PLCB1: variants seen among roughly 807,000 people sequenced by gnomAD.
PLCB1 encodes 1-phosphatidylinositol 4,5-bisphosphate phosphodiesterase beta-1.
Under a neutral mutation model 161.8 loss-of-function variants are expected in PLCB1, and 46 were observed. The observed-to-expected ratio is 0.28, with a 90% CI of 0.22 to 0.36. The LOEUF (loss-of-function observed/expected upper bound fraction) is 0.36, where lower values mean the gene tolerates loss of function less well. Ranked by LOEUF, PLCB1 falls within the 10% of genes least tolerant of loss-of-function variation. PLCB1 has a pLI of 1.00. For missense variants in PLCB1, 1,016 were observed against 1,472.5 expected (o/e 0.69, Z 5.07); for synonymous variants, 517 against 503.7 (o/e 1.03, Z -0.35).
intron 3 of PLCB1, among the ~76,000 whole-genome samples, chr20:8,446,026 A>T (rs1236784258): frequency 6.6e-6 from 1 of 152,178 alleles, no homozygotes; most frequent in Non-Finnish European, 1.5e-5. Context: ...CAATCAACAG[A>T]AAAAGAGGGA....
intron 3 of PLCB1, among the ~76,000 whole-genome samples, chr20:8,462,267 A>T (rs1429317176): frequency 6.6e-6 from 1 of 152,150 alleles, no homozygotes; most frequent in Non-Finnish European, 1.5e-5. Context: ...TAAACCTTTA[A>T]GCTCTTTTAC....
At chr20:8,567,436 C>A (rs1986371530) in intron 3 of PLCB1, among the ~76,000 whole-genome samples, 1 of 152,050 alleles carries the variant, frequency 6.6e-6, no homozygotes, top group Non-Finnish European at 1.5e-5. Context: ...CTGTGGACAA[C>A]CCAATGCCTG....
At chr20:8,767,593 T>G (rs4816078) in intron 26 of PLCB1, among the ~76,000 whole-genome samples, 2 of 152,170 alleles carry the variant, frequency 1.3e-5, no homozygotes, top group South Asian at 4.2e-4. Flanking sequence ...AAATGTGAGG[T>G]TGCCGTGTGG....
At chr20:8,456,066 G>C (rs1981303207) in intron 3 of PLCB1, among the ~76,000 whole-genome samples, 1 of 152,166 alleles carries the variant, frequency 6.6e-6, no homozygotes, top group Admixed American at 6.5e-5. Context: ...GAAAATCAAA[G>C]ATTTGGTTTC....
intron 2 of PLCB1, among the ~76,000 whole-genome samples, chr20:8,222,562 G>C (rs1024518105): frequency 1.3e-5 from 2 of 151,870 alleles, no homozygotes; most frequent in African/African-American, 4.8e-5. Context: ...GAATTTCTTT[G>C]TATTTATTCT....
intron 2 of PLCB1, among the ~76,000 whole-genome samples, chr20:8,253,658 G>A (rs1445928645): frequency 1.3e-5 from 2 of 151,942 alleles, no homozygotes; most frequent in South Asian, 2.1e-4. Flanking sequence ...GGGAGTACAT[G>A]TGCAGGTTTG....
intron 3 of PLCB1, among the ~76,000 whole-genome samples, chr20:8,515,536 T>A (rs1018136153): frequency 6.6e-6 from 1 of 152,146 alleles, no homozygotes; most frequent in South Asian, 2.1e-4. Flanking sequence ...ATCTAGAAAT[T>A]TGTATTCCTA....
chr20:8,494,362 C>T lies in PLCB1; in HGVS notation c.246+122912C>T, dbSNP rs956861670. Among the ~76,000 whole-genome samples the T allele has an allele frequency of 5.3e-5, 8 of 151,940 alleles. No homozygotes were observed. In the East Asian group the frequency reaches 7.7e-4, roughly 15 times the overall value. ...TAAGGAATTCTAAGATAATAATTAC[C>T]AGGAAATTAACTCAAATTACATAAT... On this transcript the variant is annotated intron_variant, in intron 3 of 31. Coordinates refer to ENST00000338037, the MANE Select transcript of PLCB1 (RefSeq NM_015192.4).
At chr20:8,832,498 T>G (rs934372777) in intron 31 of PLCB1, among the ~76,000 whole-genome samples, 55 of 152,240 alleles carry the variant, frequency 3.6e-4, no homozygotes, top group Admixed American at 6.5e-5. Flanking sequence ...AACTTGGATC[T>G]CTTCGCATGT....
intron 3 of PLCB1, among the ~76,000 whole-genome samples, chr20:8,465,206 G>A (rs1232027171): frequency 2.0e-5 from 3 of 152,140 alleles, no homozygotes; most frequent in Non-Finnish European, 2.9e-5. Context: ...CTGGGTTCAC[G>A]TCAAGGATGA....
chr20:8,883,853 C>T lies in PLCB1; in HGVS notation c.*2004C>T, dbSNP rs539347676. ...TTTTGTAAATCATTCTACTTTTGCA[C>T]TTTGAAAGAAAGGCGTTAATCATAA... On this transcript the variant is annotated 3_prime_UTR_variant, in exon 32 of 32. Transcript: ENST00000338037. 2 of 152,552 alleles carry T rather than the reference C, an allele frequency of 1.3e-5. No homozygotes were observed. The highest frequency in any genetic ancestry group is 4.8e-5 in the African/African-American group (2 of 41,504). The allele number at this position is 152,552 out of a possible 1,614,324, so 9.4% of individuals were successfully genotyped here.
At chr20:8,330,798 G>C (rs1985338386) in intron 2 of PLCB1, among the ~76,000 whole-genome samples, 1 of 152,128 alleles carries the variant, frequency 6.6e-6, no homozygotes, top group Non-Finnish European at 1.5e-5. Context: ...AATGCTGTTG[G>C]CACCTACAAC....
At chr20:8,326,184 A>T (rs537735328) in intron 2 of PLCB1, among the ~76,000 whole-genome samples, 1 of 152,350 alleles carries the variant, frequency 6.6e-6, no homozygotes, top group East Asian at 1.9e-4. Flanking sequence ...AAAGAGTCCT[A>T]ACCTATTTTC....
intron 2 of PLCB1, among the ~76,000 whole-genome samples, chr20:8,291,304 G>A (rs1333537040): frequency 6.6e-6 from 1 of 152,058 alleles, no homozygotes; most frequent in African/African-American, 2.4e-5. Flanking sequence ...AGGCTTTCTT[G>A]CCACCTCCCA....
intron 31 of PLCB1, among the ~76,000 whole-genome samples, chr20:8,871,543 G>C (rs564098326): frequency 1.3e-5 from 2 of 152,242 alleles, no homozygotes; most frequent in South Asian, 4.1e-4. Context: ...TCAGTCCAAT[G>C]TTTTATTTTC....
intron 4 of PLCB1, among the ~76,000 whole-genome samples, chr20:8,634,929 A>G (rs747613076): frequency 5.3e-5 from 8 of 152,070 alleles, no homozygotes; most frequent in Non-Finnish European, 7.4e-5. Flanking sequence ...CCTTTATAAT[A>G]TGGTAGTTTC....
chr20:8,815,581 G>A (rs1413410324), intron 31 of PLCB1, among the ~76,000 whole-genome samples: 5 of 147,772 alleles, frequency 3.4e-5, no homozygotes, highest in East Asian at 1.9e-4. Context: ...GTGGAAAGAG[G>A]CCCAAGAGGT....
At chr20:8,762,042 C>A (rs1220235837) in intron 25 of PLCB1, among the ~76,000 whole-genome samples, 22 of 151,798 alleles carry the variant, frequency 1.4e-4, no homozygotes, top group Non-Finnish European at 1.5e-5. Flanking sequence ...GAAACCCCAT[C>A]TCTACTAAAT....
At chr20:8,375,382 A>G (rs1488445498) in intron 3 of PLCB1, among the ~76,000 whole-genome samples, 1 of 152,184 alleles carries the variant, frequency 6.6e-6, no homozygotes, top group African/African-American at 2.4e-5. Context: ...CCTCTGATCT[A>G]TTAGTAGTTC....
Sources: allele counts gnomAD v4.1 joint callset (sites outside exome capture counted in the v4.1 genomes callset), GRCh38; gene constraint gnomAD v4.1.1; transcripts MANE v1.5; gene names NCBI Gene and HGNC (gene_info 2026-07-23, HGNC 2026-07-21).